Variants in MICAL2 observed in about 807,000 individuals in gnomAD.
The protein encoded by MICAL2 is [F-actin]-monooxygenase MICAL2.
A neutral mutation model predicts 127.3 loss-of-function variants in MICAL2; 77 were observed. That is an observed-to-expected ratio of 0.60 (90% CI 0.50 to 0.73). The LOEUF (loss-of-function observed/expected upper bound fraction) is 0.73, where lower values mean the gene tolerates loss of function less well. MICAL2 is among the 30% of genes least tolerant of loss of function. MICAL2 has a pLI of 0.00. For synonymous variants in MICAL2, 570 were observed against 551.1 expected (o/e 1.03, Z -0.48); for missense variants, 1,351 against 1,434.4 (o/e 0.94, Z 0.94).
chr11:12,242,908 A>T (rs959104700), intron 20 of MICAL2, 136 bp downstream of exon 20: 5 of 574,604 alleles, frequency 8.7e-6, no homozygotes, highest in Non-Finnish European at 1.5e-5. Context: ...TTTTCAAGCC[A>T]CCAAATAATA....
intron 5 of MICAL2, 116 bp downstream of exon 5, chr11:12,208,255 A>C: frequency 1.3e-6 from 1 of 781,364 alleles, no homozygotes; most frequent in Non-Finnish European, 2.1e-6. Flanking sequence ...GCTGGTTGGC[A>C]TAATGCCACT....
chr11:12,300,294 C>CA (rs982707772), intron 29 of MICAL2, among the ~76,000 whole-genome samples: 9 of 149,814 alleles, frequency 6.0e-5, no homozygotes, highest in East Asian at 1.9e-4. Context: ...AACTCCATCT[C>CA]AAAAAAAAAG....
At chr11:12,210,855 A>T (rs1855359532) in intron 6 of MICAL2, among the ~76,000 whole-genome samples, 1 of 152,278 alleles carries the variant, frequency 6.6e-6, no homozygotes, top group South Asian at 2.1e-4. Context: ...TGTCACAGAG[A>T]CTGCCCTGTG....
chr11:12,221,799 C>T lies in MICAL2; in HGVS notation c.1322+40C>T, dbSNP rs1341855074. On this transcript the variant is annotated intron_variant, in intron 10 of 27. Coordinates refer to ENST00000683283, the MANE Select transcript of MICAL2 (RefSeq NM_001282663.2). ...TAGGGCTCCTAACTGGGGGGCAGGG[C>T]ACTCAGGCAGGAAAGGGGGCAAGAT... 7.1e-6 allele frequency: 11 copies of T among 1,550,612 alleles called. No homozygotes were observed. The Admixed American group carries it at 1.9e-4, about 26-fold the overall frequency.
Position 12,255,617 on chromosome 11 carries a change from T to C in MICAL2, c.2848-26T>C, listed in dbSNP as rs753834427. 17 of 1,608,630 alleles carry C rather than the reference T, an allele frequency of 1.1e-5. No homozygotes were observed. In the South Asian group the frequency reaches 1.9e-4, roughly 18 times the overall value. The stretch of plus-strand genomic sequence containing the variant: ...TAACTGGCCTCTACCTTTGTCTCTG[T>C]CTCCTCTGCCTCTGCTCTTGGTTAG... On this transcript the variant is annotated intron_variant, in intron 22 of 27. Transcript: ENST00000683283.
At chr11:12,185,339 A>G (rs1858091760) in intron 3 of MICAL2, among the ~76,000 whole-genome samples, 1 of 152,036 alleles carries the variant, frequency 6.6e-6, no homozygotes, top group African/African-American at 2.4e-5. Flanking sequence ...GATAAAAACC[A>G]TTACTGTTGT....
chr11:12,130,133 C>T (rs1851297015), intron 1 of MICAL2, among the ~76,000 whole-genome samples: 2 of 152,154 alleles, frequency 1.3e-5, no homozygotes, highest in South Asian at 4.1e-4. Flanking sequence ...CTCCATTGTC[C>T]CTTCTCTGTG....
rs947896793 is a variant in MICAL2 at position 12,238,296 on chromosome 11, C to T, written c.2065-1140C>T. Among the ~76,000 whole-genome samples the T allele has an allele frequency of 8.5e-5, 13 of 152,308 alleles. No homozygotes were observed. The East Asian group carries it at 1.5e-3, about 18-fold the overall frequency. ...AGATCCCGTAGTAAGGGGGAACAGACGTTCTTAGTAAACAGTGGTCATTTT... is the reference window on the plus strand; with the variant it reads ...AGATCCCGTAGTAAGGGGGAACAGATGTTCTTAGTAAACAGTGGTCATTTT... On this transcript the variant is annotated intron_variant, in intron 16 of 27. Coordinates refer to ENST00000683283, the MANE Select transcript of MICAL2 (RefSeq NM_001282663.2).
At chr11:12,308,324 A>G (rs966537435) in intron 29 of MICAL2, 3 of 152,204 alleles carry the variant, frequency 2.0e-5, no homozygotes, top group Non-Finnish European at 2.9e-5. Flanking sequence ...AAAGAAGCCT[A>G]CTGGAATTTT....
intron 3 of MICAL2, among the ~76,000 whole-genome samples, chr11:12,175,406 G>A (rs182551207): frequency 3.6e-4 from 54 of 152,036 alleles, no homozygotes; most frequent in Non-Finnish European, 6.5e-4. Context: ...AACCCAGGAG[G>A]TGGAGGTTGC....
intron 17 of MICAL2, among the ~76,000 whole-genome samples, chr11:12,240,143 C>T (rs989557621): frequency 2.0e-5 from 3 of 152,224 alleles, no homozygotes; most frequent in African/African-American, 7.2e-5. Context: ...TTTCCTGGCA[C>T]TCCCCTCTCT....
Position 12,312,220 on chromosome 11 carries a change from T to C in MICAL2, c.5213-7476T>C, listed in dbSNP as rs111931336. On this transcript the variant is annotated intron_variant, in intron 29 of 34. Transcript: ENST00000646065. Reference sequence around the variant, plus strand: ...TTTCAATTTTATTTCTGCTTTATCTTTATTGTCTTTCATAATCTGTTCTTA... The same window carrying C: ...TTTCAATTTTATTTCTGCTTTATCTCTATTGTCTTTCATAATCTGTTCTTA... Among the ~76,000 whole-genome samples the C allele has an allele frequency of 1.7e-3, 260 of 152,076 alleles. 1 individual carries two copies. Among genetic ancestry groups the C allele is most frequent in the African/African-American group, 6.0e-3 (249 of 41,544 alleles).
At chr11:12,145,692 T>G (rs1270724711) in intron 2 of MICAL2, among the ~76,000 whole-genome samples, 1 of 152,210 alleles carries the variant, frequency 6.6e-6, no homozygotes. Flanking sequence ...CATTAGTTAT[T>G]TCTGACTCAG....
chr11:12,221,293 G>A (rs1856789151), intron 9 of MICAL2, among the ~76,000 whole-genome samples: 5 of 152,156 alleles, frequency 3.3e-5, no homozygotes, highest in Admixed American at 3.3e-4. Context: ...CCATTCCCAA[G>A]TAGCTCAGGA....
At chr11:12,318,800 T>C (rs1036475802) in intron 29 of MICAL2, among the ~76,000 whole-genome samples, 5 of 152,192 alleles carry the variant, frequency 3.3e-5, no homozygotes, top group Non-Finnish European at 5.9e-5. Flanking sequence ...AAAAGCCTCC[T>C]GTGGCACCTG....
chr11:12,150,711 C>T (rs7943183), intron 2 of MICAL2, among the ~76,000 whole-genome samples: 140,562 of 152,252 alleles, frequency 0.92, 65,415 homozygotes, highest in Non-Finnish European at 0.98. Flanking sequence ...TTCAGCAAGA[C>T]GCAGTGCCAT....
chr11:12,143,826 A>G (rs573049482), intron 2 of MICAL2, among the ~76,000 whole-genome samples: 79 of 152,354 alleles, frequency 5.2e-4, no homozygotes, highest in African/African-American at 1.8e-3. Context: ...GTTTTTAAGG[A>G]TGACATTTGC....
Position 12,227,022 on chromosome 11 carries a change from C to A in MICAL2, c.1889-3C>A. On this transcript the variant is annotated splice_polypyrimidine_tract_variant and splice_region_variant and intron_variant, in intron 14 of 27. Transcript: ENST00000683283. ...ATCACAGTTGCGCTTTATTTCCCAA[C>A]AGATTCTTGGCGCAAAAACTATGGA... 2 of 1,612,046 alleles carry A rather than the reference C, an allele frequency of 1.2e-6. No homozygotes were observed. Among genetic ancestry groups the A allele is most frequent in the Admixed American group, 1.7e-5 (1 of 59,988 alleles).
chr11:12,224,934 G>A, intron 13 of MICAL2, 114 bp downstream of exon 13: 2 of 1,313,944 alleles, frequency 1.5e-6, no homozygotes, highest in Non-Finnish European at 2.1e-6. Flanking sequence ...TTCAATTTGA[G>A]ATTTTTCTTA....
Sources: allele counts gnomAD v4.1 joint callset (sites outside exome capture counted in the v4.1 genomes callset), GRCh38; gene constraint gnomAD v4.1.1; transcripts MANE v1.5; gene names NCBI Gene and HGNC (gene_info 2026-07-23, HGNC 2026-07-21).